Variants in NOL8 observed in about 807,000 individuals in gnomAD.
NOL8 encodes the protein nucleolar protein 8.
Under a neutral mutation model 116.1 loss-of-function variants are expected in NOL8, and 93 were observed. That is an observed-to-expected ratio of 0.80 (90% CI 0.68 to 0.95). The LOEUF is 0.95. Among genes scored for constraint, NOL8 ranks in the 40% least tolerant of loss-of-function variants. The pLI is 0.00. For synonymous variants in NOL8, 419 were observed against 469.0 expected, an observed-to-expected ratio of 0.89 and a Z score of 1.38; for missense variants, 1,291 against 1,382.8, an observed-to-expected ratio of 0.93 and a Z score of 1.05.
chr9:92,305,852 G>A (rs747355933), intron 11 of NOL8, 22 bp from the exon 12 acceptor site: 18 of 1,541,346 alleles, frequency 1.2e-5, no homozygotes, highest in Non-Finnish European at 1.4e-5. Flanking sequence ...AAGGAAGGGA[G>A]GTTGGAAGAG....
At chr9:92,321,614 A>T in intron 4 of NOL8, 54 bp downstream of exon 4, 1 of 967,258 alleles carries the variant, frequency 1.0e-6, no homozygotes, top group Non-Finnish European at 1.5e-6. Flanking sequence ...AATATATAAA[A>T]CCACTTACAA....
At chr9:92,300,385 G>T in intron 13 of NOL8, 1 of 989,548 alleles carries the variant, frequency 1.0e-6, no homozygotes. Context: ...AGGGAAATCA[G>T]GTTTCCCTCT....
chr9:92,312,527 T>C (rs1838908791), intron 7 of NOL8, among the ~76,000 whole-genome samples: 1 of 144,730 alleles, frequency 6.9e-6, no homozygotes, highest in Non-Finnish European at 1.5e-5. Context: ...AGAGTAAGGA[T>C]TGAAAAGCCA....
At chr9:92,309,472 A>C (rs1447671159) in intron 10 of NOL8, among the ~76,000 whole-genome samples, 1 of 152,082 alleles carries the variant, frequency 6.6e-6, no homozygotes, top group Non-Finnish European at 1.5e-5. Flanking sequence ...GTGAGGATTA[A>C]AATGCAGATT....
In NOL8 at chr9:92,300,068, T is replaced by A. The variant is rs905943783; in HGVS notation, c.3176-52A>T. ...ATGGGATTGTAACTCCACAGCCAAG[T>A]ATTTCTGAACACATTCATTTGATTA... is the stretch of plus-strand genomic sequence containing the variant. On this transcript the variant is annotated intron_variant, in intron 13 of 16. Coordinates refer to ENST00000442668, the MANE Select transcript of NOL8 (RefSeq NM_017948.6). 1.2e-4 allele frequency: 196 copies of A among 1,588,582 alleles called. No homozygotes were observed. The East Asian group carries it at 4.4e-3, about 36-fold the overall frequency.
intron 4 of NOL8, 69 bp downstream of exon 4, chr9:92,321,599 G>T: frequency 1.2e-6 from 1 of 840,840 alleles, no homozygotes; most frequent in South Asian, 1.7e-5. Context: ...TTGATAATTT[G>T]AAATAATATA....
chr9:92,297,945 G>C, intron 16 of NOL8, 59 bp from the exon 17 acceptor site: 1 of 1,394,172 alleles, frequency 7.2e-7, no homozygotes, highest in Non-Finnish European at 9.8e-7. Context: ...ATGTTCAGTA[G>C]ATAGAAGTAA....
rs557903077 is a variant in NOL8, at chr9:92,323,520, C to G, written c.140-17G>C. On this transcript the variant is annotated splice_polypyrimidine_tract_variant and intron_variant, in intron 2 of 16. Transcript: ENST00000442668. ...GTGGGTTTCCTAAAAAACAAACAAA[C>G]AAACAAACAAAACAATTTATTTAAA... 946 of 1,583,770 alleles carry G rather than the reference C, an allele frequency of 6.0e-4. 5 individuals carry two copies. The South Asian group carries it at 0.01, about 17-fold the overall frequency.
At position 92,315,836 on chromosome 9, in the gene NOL8, A is replaced by C. The variant is rs1839348737; in HGVS notation, c.789T>G (p.Thr263=). The change falls in exon 7 of 17, where the codon ACT becomes ACG. Residue 263 remains threonine (T), a synonymous_variant. Coordinates refer to ENST00000442668, the MANE Select transcript of NOL8 (RefSeq NM_017948.6). ...AAQKRTCDSI[T]PSKSSPVPVS... is the part of the protein sequence containing the mutation. The stretch of plus-strand genomic sequence containing the variant: ...CAGGTACAGGAGATGATTTAGAAGG[A>C]GTAATGGAATCACAAGTTCTTTTTT... 6.2e-7 allele frequency: 1 copy of C among 1,613,936 alleles called. No homozygotes were observed. Among genetic ancestry groups the C allele is most frequent in the Non-Finnish European group, 8.5e-7 (1 of 1,179,860 alleles).
chr9:92,310,238 A>G lies in NOL8; in HGVS notation c.2619T>C (p.Phe873=), dbSNP rs201312522. Residue 873 remains phenylalanine (F), a synonymous_variant, in exon 10 of 17, where the codon TTT becomes TTC. Transcript: ENST00000442668. ...CCATGCGGAATCTGTCATCGGTGCCAAAGTGCGACTGTAAATCCATGAGCT... is the reference window on the plus strand; with the variant it reads ...CCATGCGGAATCTGTCATCGGTGCCGAAGTGCGACTGTAAATCCATGAGCT... ...GQKLMDLQSH[F]GTDDRFRMDS... The G allele has an allele frequency of 6.2e-7, 1 of 1,609,430 alleles. No individual in the cohort carries two copies. Among genetic ancestry groups the G allele is most frequent in the Non-Finnish European group, 8.5e-7 (1 of 1,177,932 alleles).
Position 92,314,775 on chromosome 9 carries a change from G to T in NOL8, c.1850C>A (p.Ser617Tyr). The T allele has an allele frequency of 6.2e-7, 1 of 1,613,750 alleles. No homozygotes were observed. Among genetic ancestry groups the T allele is most frequent in the South Asian group, 1.1e-5 (1 of 91,026 alleles). Reference protein sequence around the residue: ...DPSIISMEDGSPYVNGSLGEV... With the variant: ...DPSIISMEDGYPYVNGSLGEV... Reference sequence around the variant, plus strand: ...ACCTAATGAGCCATTAACATATGGGGACCCATCTTCCATGGATATGATACT... The same window carrying T: ...ACCTAATGAGCCATTAACATATGGGTACCCATCTTCCATGGATATGATACT... Residue 617 changes from serine (S) to tyrosine (Y), a missense_variant, in exon 7 of 17, where the codon TCC becomes TAC. Transcript: ENST00000442668.
intron 10 of NOL8, among the ~76,000 whole-genome samples, chr9:92,307,523 C>T (rs1215426664): frequency 6.6e-6 from 1 of 152,178 alleles, no homozygotes; most frequent in African/African-American, 2.4e-5. Flanking sequence ...ATATGCCCTA[C>T]ACATACTAAG....
At position 92,318,611 on chromosome 9, in the gene NOL8, A is replaced by T. The variant is rs1839639880; in HGVS notation, c.486+7T>A. 1 of 1,587,700 alleles carries T rather than the reference A, an allele frequency of 6.3e-7. No homozygotes were observed. The highest frequency in any genetic ancestry group is 8.6e-7 in the Non-Finnish European group (1 of 1,163,900). On this transcript the variant is annotated splice_region_variant and intron_variant, in intron 6 of 16. Coordinates refer to ENST00000442668, the MANE Select transcript of NOL8 (RefSeq NM_017948.6). ...GTAAATAATTATGTTGAGAGGCCAA[A>T]GGATATTTTACGTTTATGTTGATTT...
At chr9:92,322,085 TTATTTCCTGTAACTATAAAACATA>T (rs1406751763) in intron 3 of NOL8, among the ~76,000 whole-genome samples, 5 of 152,270 alleles carry the variant, frequency 3.3e-5, no homozygotes, top group South Asian at 2.1e-4. Context: ...TATTTTATTG[TTATTTCCTGTAACTATAAAACATA>T]TATTTCCTGT....
Position 92,316,070 on chromosome 9 carries a change from G to C in NOL8, c.555C>G (p.Thr185=). 6.2e-7 allele frequency: 1 copy of C among 1,613,902 alleles called. No homozygotes were observed. Among genetic ancestry groups the C allele is most frequent in the South Asian group, 1.1e-5 (1 of 91,084 alleles). The stretch of plus-strand genomic sequence containing the variant: ...CCCAAGTCAGGCTGGATATAGGAAT[G>C]GTGTTTGAGAAATCCTCCCCTATCT... ...LKKIGEDFSN[T]IPISSLTWEL... Residue 185 remains threonine (T), a synonymous_variant, in exon 7 of 17, where the codon ACC becomes ACG. Transcript: ENST00000442668.
chr9:92,324,406 AC>A, intron 1 of NOL8, 197 bp from the exon 2 acceptor site: 1 of 448,536 alleles, frequency 2.2e-6, no homozygotes, highest in Non-Finnish European at 4.0e-6. Flanking sequence ...TGGAACAGCA[AC>A]CCCATACCCA....
rs1838187014 is a variant in NOL8, at chr9:92,305,775, T to C, written c.2881A>G (p.Arg961Gly). The C allele has an allele frequency of 6.2e-7, 1 of 1,611,704 alleles. No individual in the cohort carries two copies. Residue 961 changes from arginine to glycine, a missense_variant, in exon 12 of 17, where the codon AGA becomes GGA. Coordinates refer to ENST00000442668, the MANE Select transcript of NOL8 (RefSeq NM_017948.6). ...TACCTTTCTTTTGGCTTATCATCTC[T>C]TTTTCTTTCGTAAGTGGCATGGTCT... ...KQDHATYERK[R>G]DDKPKESKAK...
chr9:92,301,660 T>C lies in NOL8; in HGVS notation c.3066A>G (p.Lys1022=), dbSNP rs767823853. The stretch of plus-strand genomic sequence containing the variant: ...GGTCCTGGATTTCCTCAGGTTTCTC[T>C]TTACCACAGTCCTCATTCCAGGGTG... ...EGTPWNEDCG[K]EKPEEIQDPA... is the part of the protein sequence containing the mutation. Residue 1022 remains lysine, a synonymous_variant, in exon 13 of 17, where the codon AAA becomes AAG. Transcript: ENST00000442668. 2.5e-6 allele frequency: 4 copies of C among 1,603,392 alleles called. No homozygotes were observed. The Admixed American group carries it at 7.0e-5, about 28-fold the overall frequency.
intron 6 of NOL8, among the ~76,000 whole-genome samples, chr9:92,317,698 A>G (rs1839533234): frequency 6.6e-6 from 1 of 152,138 alleles, no homozygotes; most frequent in Non-Finnish European, 1.5e-5. Flanking sequence ...AATACCTGCT[A>G]CTGTTCCCCT....
Sources: gnomAD v4.1 joint callset for allele counts (sites outside exome capture counted in the v4.1 genomes callset) on GRCh38, gnomAD v4.1.1 for gene constraint, MANE v1.5 for transcripts, NCBI Gene and HGNC (gene_info 2026-07-23, HGNC 2026-07-21) for gene names.